Variants in TMEM131 observed in about 807,000 individuals in gnomAD.
TMEM131 encodes the protein 2610524E03Rik.
A neutral mutation model predicts 211.6 loss-of-function variants in TMEM131; 66 were observed. The observed-to-expected ratio is 0.31, with a 90% CI of 0.26 to 0.38. The LOEUF is 0.38. Ranked by LOEUF, TMEM131 falls within the 10% of genes least tolerant of loss-of-function variation. The pLI, the probability that TMEM131 is intolerant of heterozygous loss-of-function variation, is 1.00. For missense variants in TMEM131, 2,036 were observed against 2,299.3 expected, an observed-to-expected ratio of 0.89 and a Z score of 2.34; for synonymous variants, 844 against 841.3, an observed-to-expected ratio of 1.00 and a Z score of -0.06.
intron 1 of TMEM131, among the ~76,000 whole-genome samples, chr2:97,994,619 A>C (rs903066237): frequency 3.3e-5 from 5 of 152,084 alleles, no homozygotes; most frequent in African/African-American, 9.7e-5. Flanking sequence ...TAAACTATTC[A>C]CTTAGTCAAT....
At chr2:97,990,317 A>G (rs75687145) in intron 1 of TMEM131, among the ~76,000 whole-genome samples, 100 of 145,800 alleles carry the variant, frequency 6.9e-4, no homozygotes, top group Middle Eastern at 7.1e-3. Context: ...TGGCTGATTG[A>G]AAAAAAAAAA....
At chr2:97,774,123 T>A (rs975587625) in intron 32 of TMEM131, among the ~76,000 whole-genome samples, 1 of 152,276 alleles carries the variant, frequency 6.6e-6, no homozygotes, top group African/African-American at 2.4e-5. Flanking sequence ...TAACCAGAGC[T>A]AGGGCTAAAA....
chr2:97,846,714 G>T (rs1683452985), intron 5 of TMEM131, among the ~76,000 whole-genome samples: 1 of 151,998 alleles, frequency 6.6e-6, no homozygotes, highest in African/African-American at 2.4e-5. Context: ...TATTTTATGT[G>T]TGGCCCAAGA....
intron 11 of TMEM131, among the ~76,000 whole-genome samples, chr2:97,830,132 TAAAAAAAAAA>T (rs60531384): frequency 2.4e-4 from 17 of 72,320 alleles, no homozygotes; most frequent in East Asian, 1.4e-3. Flanking sequence ...CATTATCAGT[TAAAAAAAAAA>T]AAAAAAAAAA....
rs181837256 is a variant in TMEM131, at chr2:97,779,454, G to A, written c.4145-3436C>T. Among the ~76,000 whole-genome samples the A allele has an allele frequency of 1.9e-3, 288 of 152,328 alleles. 3 individuals are homozygous for A. Among genetic ancestry groups the A allele is most frequent in the African/African-American group, 6.4e-3 (266 of 41,560 alleles). On this transcript the variant is annotated intron_variant, in intron 31 of 40. Transcript: ENST00000186436. Reference sequence around the variant, plus strand: ...CAGTAAGCTGACTCTCAGGGCAAGCGTGTTCCTAAGGGTCTTGTCTCTTCC... The same window carrying A: ...CAGTAAGCTGACTCTCAGGGCAAGCATGTTCCTAAGGGTCTTGTCTCTTCC...
At chr2:97,855,533 C>G (rs920722103) in intron 5 of TMEM131, among the ~76,000 whole-genome samples, 4 of 152,132 alleles carry the variant, frequency 2.6e-5, no homozygotes, top group Non-Finnish European at 5.9e-5. Context: ...AACTCCATCT[C>G]TACCAAAAAA....
intron 1 of TMEM131, among the ~76,000 whole-genome samples, chr2:97,938,237 T>C (rs552080779): frequency 1.2e-4 from 19 of 152,100 alleles, no homozygotes; most frequent in East Asian, 5.8e-4. Context: ...GACTGGCAAA[T>C]TGGATAAAGA....
intron 28 of TMEM131, 83 bp downstream of exon 28, chr2:97,796,135 C>T (rs1680749535): frequency 5.2e-6 from 4 of 774,172 alleles, no homozygotes; most frequent in South Asian, 2.3e-5. Context: ...TGGATAAAGA[C>T]CTTTGGTAAA....
intron 8 of TMEM131, among the ~76,000 whole-genome samples, chr2:97,836,148 A>G (rs1308972950): frequency 2.0e-5 from 3 of 152,188 alleles, no homozygotes; most frequent in African/African-American, 7.2e-5. Context: ...TCCATTGCAT[A>G]TTTCTTTTTG....
chr2:97,767,552 G>C (rs1359808390), intron 33 of TMEM131, among the ~76,000 whole-genome samples: 2 of 152,160 alleles, frequency 1.3e-5, no homozygotes, highest in Non-Finnish European at 1.5e-5. Flanking sequence ...AGGCTGAGAT[G>C]CAGCTCAGAG....
At chr2:97,833,129 A>G (rs1175517373) in intron 11 of TMEM131, among the ~76,000 whole-genome samples, 4 of 152,180 alleles carry the variant, frequency 2.6e-5, no homozygotes, top group Admixed American at 6.5e-5. Flanking sequence ...CTGTATAAGA[A>G]ACTCATGAAC....
At position 97,812,485 on chromosome 2, in the gene TMEM131, T is replaced by C. The variant is rs138984698; in HGVS notation, c.1799A>G (p.Asn600Ser). 5.0e-6 allele frequency: 8 copies of C among 1,613,332 alleles called. No homozygotes were observed. The highest frequency in any genetic ancestry group is 1.3e-5 in the African/African-American group (1 of 75,032). Residue 600 changes from asparagine (N) to serine (S), a missense_variant, in exon 17 of 41, where the codon AAT (asparagine) becomes AGT (serine). By Grantham distance (46) the Asn-to-Ser change is conservative (BLOSUM62 1). Coordinates refer to ENST00000186436, the MANE Select transcript of TMEM131 (RefSeq NM_015348.2). ...CAGGCTTGAAATTATTGTAGTTCTA[T>C]TGCCTCTTTCCACAGCTACAAGTTC... ...SIELVAVERG[N>S]RTTIISSLPE... is the part of the protein sequence containing the mutation.
intron 6 of TMEM131, 60 bp from the exon 7 acceptor site, chr2:97,841,997 T>C (rs1223226518): frequency 7.1e-7 from 1 of 1,407,746 alleles, no homozygotes; most frequent in Non-Finnish European, 9.4e-7. Context: ...TATTTTTAGT[T>C]ATAACTGACT....
intron 39 of TMEM131, chr2:97,759,443 G>A (rs1312251486): frequency 1.9e-5 from 11 of 572,094 alleles, no homozygotes; most frequent in South Asian, 6.4e-5. Context: ...ACTGGTGTGC[G>A]CACACCGTGT....
chr2:97,963,457 G>A (rs1286835109), intron 1 of TMEM131, among the ~76,000 whole-genome samples: 1 of 152,192 alleles, frequency 6.6e-6, no homozygotes, highest in African/African-American at 2.4e-5. Context: ...GCTCATGCCT[G>A]TAATCCCAGA....
chr2:97,968,341 T>C (rs138916964), intron 1 of TMEM131, among the ~76,000 whole-genome samples: 306 of 152,200 alleles, frequency 2.0e-3, no homozygotes, highest in Non-Finnish European at 3.1e-3. Flanking sequence ...CTCAATGTGG[T>C]GTTTTAATAT....
In TMEM131 at chr2:97,995,730, C is replaced by T. The variant is rs1304660812; in HGVS notation, c.-68G>A. 2.7e-6 allele frequency: 3 copies of T among 1,121,352 alleles called. No individual in the cohort carries two copies. Among genetic ancestry groups the T allele is most frequent in the Non-Finnish European group, 3.3e-6 (3 of 908,276 alleles). The allele number at this position is 1,121,352 out of a possible 1,614,324, so 69.5% of individuals were successfully genotyped here. ...CCTTCTCGGCGAGGCGGCGGCGGCG[C>T]GGAAGCCGTGGTCCGGGCTCTGGCC... is the stretch of plus-strand genomic sequence containing the variant. On this transcript the variant is annotated 5_prime_UTR_variant, in exon 1 of 41. Transcript: ENST00000186436.
chr2:97,938,564 C>G (rs1474278043), intron 1 of TMEM131, among the ~76,000 whole-genome samples: 2 of 152,108 alleles, frequency 1.3e-5, no homozygotes, highest in Non-Finnish European at 2.9e-5. Flanking sequence ...CTTAGACTCC[C>G]ACACAATAAT....
chr2:97,809,061 T>C (rs1370409550), intron 19 of TMEM131, among the ~76,000 whole-genome samples: 3 of 152,176 alleles, frequency 2.0e-5, no homozygotes, highest in East Asian at 1.9e-4. Flanking sequence ...TATTGTTACT[T>C]TCATCTGTGT....
Sources: gnomAD v4.1 joint callset for allele counts (sites outside exome capture counted in the v4.1 genomes callset) on GRCh38, gnomAD v4.1.1 for gene constraint, MANE v1.5 for transcripts, NCBI Gene and HGNC (gene_info 2026-07-23, HGNC 2026-07-21) for gene names.